RAI14: variants seen among roughly 807,000 people sequenced by gnomAD.
RAI14 encodes the protein ankycorbin.
A neutral mutation model predicts 115.4 loss-of-function variants in RAI14; 45 were observed. That is an observed-to-expected ratio of 0.39 (90% confidence interval 0.31 to 0.50). RAI14 has a LOEUF of 0.50. Among genes scored for constraint, RAI14 ranks in the 20% least tolerant of loss-of-function variants. The probability of loss-of-function intolerance (pLI) is 0.85; values close to 1 mark genes in which losing one functional copy is unlikely to be tolerated. For missense variants in RAI14, 939 were observed against 1,131.2 expected (o/e 0.83, Z 2.44); for synonymous variants, 371 against 415.4 (o/e 0.89, Z 1.30).
At chr5:34,781,121 C>CA (rs922750353) in intron 3 of RAI14, among the ~76,000 whole-genome samples, 1 of 144,856 alleles carries the variant, frequency 6.9e-6, no homozygotes, top group Non-Finnish European at 1.5e-5. Flanking sequence ...ATCACAAGGA[C>CA]AAAAAAAACC....
At chr5:34,720,255 T>C (rs980236415) in intron 2 of RAI14, among the ~76,000 whole-genome samples, 1 of 152,172 alleles carries the variant, frequency 6.6e-6, no homozygotes, top group Non-Finnish European at 1.5e-5. Flanking sequence ...TTTAAAAATG[T>C]ATATGTATCA....
At chr5:34,805,595 T>C (rs1278824292) in intron 5 of RAI14, among the ~76,000 whole-genome samples, 3 of 152,174 alleles carry the variant, frequency 2.0e-5, no homozygotes, top group Admixed American at 2.0e-4. Context: ...ATCCTAGCAC[T>C]TTGGGAGGCT....
rs377411836 is a variant in RAI14, at chr5:34,812,284, CT to C, written c.765+77del. 859 of 1,252,060 alleles carry C rather than the reference CT, an allele frequency of 6.9e-4. 6 individuals carry two copies. The African/African-American group carries it at 0.011, about 17-fold the overall frequency. 77.6% of individuals were successfully genotyped at this position (1,252,060 alleles called of 1,614,324 possible). ...TTAAAAATGTTCAGATTTAACCACT[CT>C]GGTCCACTAGTAAAGTAATAAAGAC... On this transcript the variant is annotated intron_variant, in intron 10 of 17. Transcript: ENST00000265109.
chr5:34,814,805 C>A, intron 12 of RAI14, 136 bp downstream of exon 12: 1 of 675,708 alleles, frequency 1.5e-6, no homozygotes, highest in Non-Finnish European at 2.5e-6. Context: ...ATGAAGTACC[C>A]CTTGATTATT....
intron 2 of RAI14, among the ~76,000 whole-genome samples, chr5:34,717,500 G>A (rs2149983307): frequency 6.6e-6 from 1 of 152,326 alleles, no homozygotes; most frequent in African/African-American, 2.4e-5. Flanking sequence ...ATTTTGGGCG[G>A]GGGGGAATCC....
chr5:34,750,708 C>T (rs1229913137), intron 2 of RAI14, among the ~76,000 whole-genome samples: 1 of 152,122 alleles, frequency 6.6e-6, no homozygotes, highest in Admixed American at 6.5e-5. Context: ...AAGTGAGCAT[C>T]TGAGGAGCTG....
chr5:34,824,050 G>A lies in RAI14; in HGVS notation c.2208G>A (p.Val736=), dbSNP rs1757188826. ...TCTCTATCACAGAACATTTGCAAGT[G>A]ATAACCACGCTGCGGACTGCAGCAA... The part of the protein sequence containing the change: ...NSVSITEHLQ[V]ITTLRTAAKE... Residue 736 remains valine, a synonymous_variant, in exon 15 of 18, where the codon GTG becomes GTA. Coordinates refer to ENST00000265109, the MANE Select transcript of RAI14 (RefSeq NM_015577.3). 1 of 1,614,120 alleles carries A rather than the reference G, an allele frequency of 6.2e-7. No homozygotes were observed. The highest frequency in any genetic ancestry group is 2.2e-5 in the East Asian group (1 of 44,880).
chr5:34,796,595 T>C (rs1391106429), intron 4 of RAI14, among the ~76,000 whole-genome samples: 1 of 152,198 alleles, frequency 6.6e-6, no homozygotes, highest in Admixed American at 6.5e-5. Flanking sequence ...TAAGATTATA[T>C]GTACAGACCA....
At chr5:34,756,307 C>A (rs972914881) in intron 2 of RAI14, among the ~76,000 whole-genome samples, 1 of 152,168 alleles carries the variant, frequency 6.6e-6, no homozygotes, top group African/African-American at 2.4e-5. Context: ...TACAATATCT[C>A]CTCTGTCTGC....
At chr5:34,696,509 T>G (rs1561248643) in intron 2 of RAI14, among the ~76,000 whole-genome samples, 1 of 152,196 alleles carries the variant, frequency 6.6e-6, no homozygotes, top group Non-Finnish European at 1.5e-5. Flanking sequence ...GGTTAGAGCT[T>G]GCCCCAACCT....
At chr5:34,686,795 A>G (rs2149884353) in intron 1 of RAI14, 77 bp from the exon 2 acceptor site, 2 of 913,486 alleles carry the variant, frequency 2.2e-6, no homozygotes, top group Middle Eastern at 2.2e-4. Context: ...TCTCCTTCCC[A>G]TGACCCAAGT....
chr5:34,700,947 T>G (rs1476730799), intron 2 of RAI14, among the ~76,000 whole-genome samples: 2 of 152,254 alleles, frequency 1.3e-5, no homozygotes, highest in African/African-American at 4.8e-5. Context: ...CTGACTGGCA[T>G]CTGTGTCTGT....
At chr5:34,812,381 G>C (rs368245239) in intron 10 of RAI14, among the ~76,000 whole-genome samples, 173 bp downstream of exon 10, 192 of 152,276 alleles carry the variant, frequency 1.3e-3, no homozygotes, top group African/African-American at 4.5e-3. Context: ...GTTAAAGGTT[G>C]CCAGGCCGGG....
At chr5:34,752,842 A>G (rs943113138) in intron 2 of RAI14, among the ~76,000 whole-genome samples, 2 of 148,756 alleles carry the variant, frequency 1.3e-5, no homozygotes, top group African/African-American at 5.0e-5. Flanking sequence ...ATCTCGGTTC[A>G]CTGCAACCTC....
chr5:34,695,780 G>T (rs1307370710), intron 2 of RAI14, among the ~76,000 whole-genome samples: 2 of 149,164 alleles, frequency 1.3e-5, no homozygotes, highest in African/African-American at 4.9e-5. Flanking sequence ...GAAGGAAAGT[G>T]AAAGTAAAGC....
At chr5:34,781,804 C>T (rs1751683143) in intron 3 of RAI14, among the ~76,000 whole-genome samples, 1 of 152,148 alleles carries the variant, frequency 6.6e-6, no homozygotes, top group Non-Finnish European at 1.5e-5. Flanking sequence ...CATGGAGACC[C>T]TAACCCAGCA....
At chr5:34,753,733 G>C (rs1158968122) in intron 2 of RAI14, among the ~76,000 whole-genome samples, 1 of 152,152 alleles carries the variant, frequency 6.6e-6, no homozygotes, top group East Asian at 1.9e-4. Flanking sequence ...GGCTAACATG[G>C]TGAAACCCCA....
At chr5:34,665,069 GTA>G (rs374635170) in intron 1 of RAI14, among the ~76,000 whole-genome samples, 357 of 32,046 alleles carry the variant, frequency 0.011, 138 homozygotes, top group African/African-American at 0.027. Context: ...ATATATATGT[GTA>G]TATATATGTG....
In RAI14 at chr5:34,813,560, G is replaced by T; in HGVS notation, c.766-14G>T. ...CTAACCCACCTCCATTCTTTGGACTGTGATAACTTTCAGCATGACCAAGTC... is the reference window on the plus strand; with the variant it reads ...CTAACCCACCTCCATTCTTTGGACTTTGATAACTTTCAGCATGACCAAGTC... On this transcript the variant is annotated splice_polypyrimidine_tract_variant and intron_variant, in intron 10 of 17. Transcript: ENST00000265109. The T allele has an allele frequency of 1.2e-6, 2 of 1,601,662 alleles. No homozygotes were observed. Among genetic ancestry groups the T allele is most frequent in the Non-Finnish European group, 8.5e-7 (1 of 1,170,078 alleles).
Sources: allele counts gnomAD v4.1 joint callset (sites outside exome capture counted in the v4.1 genomes callset), GRCh38; gene constraint gnomAD v4.1.1; transcripts MANE v1.5; gene names NCBI Gene and HGNC (gene_info 2026-07-23, HGNC 2026-07-21).